The following OR51E2 variants were observed in gnomAD, a reference collection of about 807,000 sequenced individuals.
OR51E2 encodes olfactory receptor family 51 subfamily E member 2, also known as olfactory receptor 51E2.
Under a neutral mutation model 13.7 loss-of-function variants are expected in OR51E2, and 14 were observed. That is an observed-to-expected ratio of 1.02 (90% CI 0.68 to 1.60). The LOEUF (loss-of-function observed/expected upper bound fraction) is 1.60, where lower values mean the gene tolerates loss of function less well. Ranked by LOEUF, OR51E2 falls within the 40% of genes most tolerant of loss-of-function variation. OR51E2 has a pLI of 0.00. For synonymous variants in OR51E2, 180 were observed against 157.6 expected, an observed-to-expected ratio of 1.14 and a Z score of -1.07; for missense variants, 483 against 413.8, an observed-to-expected ratio of 1.17 and a Z score of -1.45.
At position 4,682,843 on chromosome 11, in the gene OR51E2, C is replaced by A. The variant is rs368547474; in HGVS notation, c.-50-82G>T. The A allele has an allele frequency of 7.3e-4, 690 of 944,352 alleles. 7 individuals carry two copies. The South Asian group carries it at 8.7e-3, about 12-fold the overall frequency. 58.5% of individuals were successfully genotyped at this position (944,352 alleles called of 1,614,324 possible). A position where few individuals can be genotyped will look rare whatever the true frequency, so the allele number is the denominator to read the frequency against. ...CACCCCTTTTGTCTTCTCCCACCCC[C>A]ACTTAGGGTCTTTCATAAGCTCTGA... On this transcript the variant is annotated intron_variant, in intron 1 of 1. Coordinates refer to ENST00000396950, the MANE Select transcript of OR51E2 (RefSeq NM_030774.4).
chr11:4,685,198 GA>G (rs1159000277), intron 1 of OR51E2: 2 of 152,190 alleles, frequency 1.3e-5, no homozygotes, highest in Non-Finnish European at 2.9e-5. Context: ...GGACTTGGCA[GA>G]CAGAGGAAAA....
chr11:4,684,489 T>C (rs557945489), intron 1 of OR51E2, among the ~76,000 whole-genome samples: 9 of 152,274 alleles, frequency 5.9e-5, no homozygotes, highest in Non-Finnish European at 1.3e-4. Context: ...ACTAGACCAC[T>C]GTGTTCCAGA....
In OR51E2 at chr11:4,680,419, C is replaced by G. The variant is rs1847437011; in HGVS notation, c.*1330G>C. On this transcript the variant is annotated 3_prime_UTR_variant, in exon 2 of 2. Coordinates refer to ENST00000396950, the MANE Select transcript of OR51E2 (RefSeq NM_030774.4). ...GCCCACAACTAGGGCAAGGTTATCT[C>G]TCATCACAAGTACAAAGCCATTGAT... The G allele has an allele frequency of 6.6e-6, 1 of 152,616 alleles. No homozygotes were observed. Among genetic ancestry groups the G allele is most frequent in the African/African-American group, 2.4e-5 (1 of 41,444 alleles). The allele number at this position is 152,616 out of a possible 1,614,324, so 9.5% of individuals were successfully genotyped here. A position where few individuals can be genotyped will look rare whatever the true frequency, so the allele number is the denominator to read the frequency against.
rs568009305 is a variant in OR51E2 at position 4,694,694 on chromosome 11, A to C, written c.-51+2959T>G. ...TTTAAATATCTACTACATGCCAGAC[A>C]GCGTCTATCAGCAGTAACAGAAACA... On this transcript the variant is annotated intron_variant, in intron 1 of 1. Transcript: ENST00000396950. 2.0e-5 allele frequency among the ~76,000 whole-genome samples: 3 copies of C among 152,204 alleles called. No homozygotes were observed. In the East Asian group the frequency reaches 5.8e-4, roughly 29 times the overall value.
intron 1 of OR51E2, among the ~76,000 whole-genome samples, chr11:4,683,888 G>C (rs566302413): frequency 6.6e-6 from 1 of 152,288 alleles, no homozygotes; most frequent in South Asian, 2.1e-4. Flanking sequence ...TGGCTGCAAG[G>C]CCTAACTTTT....
intron 1 of OR51E2, among the ~76,000 whole-genome samples, chr11:4,692,728 G>A (rs1038191243): frequency 1.3e-5 from 2 of 152,084 alleles, no homozygotes; most frequent in East Asian, 3.9e-4. Flanking sequence ...GAAAAGAAAG[G>A]GTGCTGGGTG....
chr11:4,684,109 T>G (rs1483104214), intron 1 of OR51E2, among the ~76,000 whole-genome samples: 1 of 152,204 alleles, frequency 6.6e-6, no homozygotes, highest in African/African-American at 2.4e-5. Context: ...ACAAAGAGAT[T>G]TGAACTGGAT....
chr11:4,693,718 T>C (rs1489775984), intron 1 of OR51E2, among the ~76,000 whole-genome samples: 1 of 151,976 alleles, frequency 6.6e-6, no homozygotes, highest in Non-Finnish European at 1.5e-5. Context: ...CGAGACTCCG[T>C]TTCAAAAAAC....
intron 1 of OR51E2, among the ~76,000 whole-genome samples, chr11:4,683,411 T>C (rs117143944): frequency 0.025 from 3,807 of 152,140 alleles, 65 homozygotes; most frequent in Non-Finnish European, 0.038. Flanking sequence ...TTTTAAAGCT[T>C]AAAAGAATAT....
At position 4,681,929 on chromosome 11, in the gene OR51E2, G is replaced by T. The variant is rs1331474832; in HGVS notation, c.783C>A (p.His261Gln). The change falls in exon 2 of 2, where the codon CAC (histidine) becomes CAA (glutamine). Residue 261 changes from histidine to glutamine, a missense_variant. Physicochemically the swap from His to Gln is conservative, Grantham distance 24. Transcript: ENST00000396950. ...TGGGATGAAGGCTGTTTCCAAAGCG[G>T]TGTACCACTGAGAGGCCAATAAGTG... ...YVPLIGLSVV[H>Q]RFGNSLHPIV... is the part of the protein sequence containing the mutation. 1 of 1,614,034 alleles carries T rather than the reference G, an allele frequency of 6.2e-7. No homozygotes were observed.
Position 4,682,630 on chromosome 11 carries a change from A to C in OR51E2, c.82T>G (p.Phe28Val), listed in dbSNP as rs776445651. Residue 28 changes from phenylalanine to valine, a missense_variant, in exon 2 of 2, where the codon TTC (phenylalanine) becomes GTC (valine). Transcript: ENST00000396950. ...ACTACATACATGGAAAGGAGGGGGAAGCCAACCCAGAAATGGGCTTTCTCT... is the reference window on the plus strand; with the variant it reads ...ACTACATACATGGAAAGGAGGGGGACGCCAACCCAGAAATGGGCTTTCTCT... Reference protein sequence around the residue: ...GLEKAHFWVGFPLLSMYVVAM... With the variant: ...GLEKAHFWVGVPLLSMYVVAM... 4.0e-5 allele frequency: 64 copies of C among 1,614,098 alleles called. No homozygotes were observed. The highest frequency in any genetic ancestry group is 5.3e-5 in the Non-Finnish European group (62 of 1,180,042).
intron 1 of OR51E2, among the ~76,000 whole-genome samples, chr11:4,683,915 G>A (rs1199714646): frequency 1.3e-5 from 2 of 152,216 alleles, no homozygotes; most frequent in Non-Finnish European, 1.5e-5. Flanking sequence ...AAATGATGCA[G>A]TGTCTTCATT....
At chr11:4,686,684 A>G (rs1251645508) in intron 1 of OR51E2, among the ~76,000 whole-genome samples, 3 of 152,164 alleles carry the variant, frequency 2.0e-5, no homozygotes, top group East Asian at 3.8e-4. Context: ...AATCTTTTGC[A>G]TGTTTCCTCT....
chr11:4,682,187 G>A lies in OR51E2; in HGVS notation c.525C>T (p.His175=). The A allele has an allele frequency of 6.2e-7, 1 of 1,614,244 alleles. No individual in the cohort carries two copies. The highest frequency in any genetic ancestry group is 1.1e-5 in the South Asian group (1 of 91,078). Residue 175 remains histidine (H), a synonymous_variant, in exon 2 of 2, where the codon CAC becomes CAT. Transcript: ENST00000396950. ...TTACATCCTGGTGGACACAATAGGA[G>A]TGCGAGAGGACATTGGAGTGGCAGA... The part of the protein sequence containing the change: ...LAFCHSNVLS[H]SYCVHQDVMK...
chr11:4,696,086 G>A (rs1024847627), intron 1 of OR51E2, among the ~76,000 whole-genome samples: 4 of 152,160 alleles, frequency 2.6e-5, no homozygotes, highest in African/African-American at 7.2e-5. Context: ...ATACAGTGAA[G>A]CAATCAAACC....
intron 1 of OR51E2, among the ~76,000 whole-genome samples, chr11:4,692,469 C>T (rs1359661516): frequency 6.6e-6 from 1 of 152,226 alleles, no homozygotes; most frequent in Non-Finnish European, 1.5e-5. Flanking sequence ...CAGAATCTCT[C>T]TATTTTGTTA....
intron 1 of OR51E2, among the ~76,000 whole-genome samples, chr11:4,687,217 A>G (rs1847526529): frequency 6.6e-6 from 1 of 152,108 alleles, no homozygotes; most frequent in South Asian, 2.1e-4. Flanking sequence ...TGAGTTATAG[A>G]TATGAAAAGA....
intron 1 of OR51E2, chr11:4,690,662 G>A (rs1412436071): frequency 6.2e-6 from 2 of 324,658 alleles, no homozygotes; most frequent in Non-Finnish European, 1.2e-5. Flanking sequence ...AGCTTCAATG[G>A]GCACCAGTTC....
intron 1 of OR51E2, chr11:4,690,515 T>C (rs1847564002): frequency 1.0e-5 from 2 of 195,568 alleles, no homozygotes; most frequent in African/African-American, 4.7e-5. Context: ...GAAGGAGAAA[T>C]TTTATATATA....
Sources: allele counts gnomAD v4.1 joint callset (sites outside exome capture counted in the v4.1 genomes callset), GRCh38; gene constraint gnomAD v4.1.1; transcripts MANE v1.5; gene names NCBI Gene and HGNC (gene_info 2026-07-23, HGNC 2026-07-21).